THSD4: variants seen among roughly 807,000 people sequenced by gnomAD.
The protein encoded by THSD4 is thrombospondin type 1 domain containing 4, also known as thrombospondin type-1 domain-containing protein 4.
THSD4 carries 69 observed loss-of-function variants against 119.0 expected under a neutral mutation model. The observed-to-expected ratio is 0.58, with a 90% confidence interval of 0.48 to 0.71. The LOEUF is 0.71. THSD4 is among the 30% of genes least tolerant of loss of function. The pLI, the probability that THSD4 is intolerant of heterozygous loss-of-function variation, is 0.00. For synonymous variants in THSD4, 524 were observed against 540.4 expected (o/e 0.97, Z 0.42); for missense variants, 1,393 against 1,391.1 (o/e 1.00, Z -0.02).
At chr15:71,359,550 G>A (rs1866923) in intron 6 of THSD4, among the ~76,000 whole-genome samples, 28,675 of 152,152 alleles carry the variant, frequency 0.19, 3,507 homozygotes, top group East Asian at 0.54. Context: ...GCTCACGCCC[G>A]TAATCCCAGC....
intron 2 of THSD4, 101 bp from the exon 3 acceptor site, chr15:71,154,762 T>C (rs2040759266): frequency 4.9e-6 from 6 of 1,223,862 alleles, no homozygotes; most frequent in Admixed American, 1.7e-5. Context: ...GGTTGGGCTG[T>C]TCCCCCCCCA....
chr15:71,461,402 T>C (rs189527653), intron 7 of THSD4, among the ~76,000 whole-genome samples: 1 of 152,332 alleles, frequency 6.6e-6, no homozygotes, highest in East Asian at 1.9e-4. Context: ...TCTTATTGGT[T>C]ACAAGGTCAG....
intron 7 of THSD4, among the ~76,000 whole-genome samples, chr15:71,492,564 T>C (rs1464049863): frequency 6.6e-6 from 1 of 152,098 alleles, no homozygotes; most frequent in Non-Finnish European, 1.5e-5. Flanking sequence ...TGGGATTACT[T>C]AGGTTTTGTT....
rs1208659007 is a variant in THSD4 at position 71,330,951 on chromosome 15, C to G, written c.1015+74236C>G. Reference sequence around the variant, plus strand: ...TAACCCGTTTACCGGGTGCCACTGGCGATCTGGCCTTGTCGAGGAAGGAGG... The same window carrying G: ...TAACCCGTTTACCGGGTGCCACTGGGGATCTGGCCTTGTCGAGGAAGGAGG... On this transcript the variant is annotated intron_variant, in intron 6 of 17. Transcript: ENST00000261862. 2.0e-5 allele frequency among the ~76,000 whole-genome samples: 3 copies of G among 152,202 alleles called. No homozygotes were observed. In the East Asian group the frequency reaches 5.8e-4, roughly 29 times the overall value.
At chr15:71,470,222 G>A (rs1239273391) in intron 7 of THSD4, among the ~76,000 whole-genome samples, 2 of 152,094 alleles carry the variant, frequency 1.3e-5, no homozygotes, top group African/African-American at 4.8e-5. Context: ...TAAGGAGTCA[G>A]AGCTTTGCTT....
In THSD4 at chr15:71,317,090, G is replaced by T. The variant is rs530395801; in HGVS notation, c.1015+60375G>T. Among the ~76,000 whole-genome samples, 4 of 152,284 alleles carry T rather than the reference G, an allele frequency of 2.6e-5. No individual in the cohort carries two copies. In the East Asian group the frequency reaches 7.7e-4, roughly 29 times the overall value. ...TAATAGTCTGAATAAACTGCTAAGGGAGAATTTTCAGAGCTGGATATTGGT... is the reference window on the plus strand; with the variant it reads ...TAATAGTCTGAATAAACTGCTAAGGTAGAATTTTCAGAGCTGGATATTGGT... On this transcript the variant is annotated intron_variant, in intron 6 of 17. Transcript: ENST00000261862.
chr15:71,280,786 G>A (rs989991500), intron 6 of THSD4, among the ~76,000 whole-genome samples: 1 of 152,138 alleles, frequency 6.6e-6, no homozygotes, highest in Admixed American at 6.5e-5. Context: ...CGAGTTCCAG[G>A]ACAGTCCTTC....
chr15:71,454,044 G>A (rs1018294071), intron 7 of THSD4, among the ~76,000 whole-genome samples: 1 of 152,156 alleles, frequency 6.6e-6, no homozygotes, highest in African/African-American at 2.4e-5. Context: ...ATCACTTGAG[G>A]TCAGGAGTTT....
intron 7 of THSD4, among the ~76,000 whole-genome samples, chr15:71,654,084 G>A (rs900211639): frequency 1.3e-5 from 2 of 152,170 alleles, no homozygotes; most frequent in African/African-American, 4.8e-5. Flanking sequence ...TTAATCTGCT[G>A]TTGCAGCACA....
intron 1 of THSD4, among the ~76,000 whole-genome samples, chr15:71,098,189 C>CTTT (rs55726832): frequency 9.4e-4 from 78 of 83,206 alleles, no homozygotes; most frequent in African/African-American, 1.8e-3. Context: ...AATTCTTTCA[C>CTTT]TTTTTTTTTT....
At chr15:71,756,193 G>A (rs2053535708) in intron 14 of THSD4, among the ~76,000 whole-genome samples, 1 of 152,170 alleles carries the variant, frequency 6.6e-6, no homozygotes, top group Non-Finnish European at 1.5e-5. Context: ...AGCTGGTGAG[G>A]TTGAGCAAGA....
chr15:71,346,378 G>A lies in THSD4; in HGVS notation c.1016-65309G>A, dbSNP rs1042207918. 8.5e-5 allele frequency among the ~76,000 whole-genome samples: 13 copies of A among 152,176 alleles called. 1 individual carries two copies. Among genetic ancestry groups the A allele is most frequent in the African/African-American group, 3.1e-4 (13 of 41,440 alleles). On this transcript the variant is annotated intron_variant, in intron 6 of 17. Transcript: ENST00000261862. ...TGCTCCTTTATTCAGCCATTTATTGGTGTCAGCATGGACACATGGATTTCC... is the reference window on the plus strand; with the variant it reads ...TGCTCCTTTATTCAGCCATTTATTGATGTCAGCATGGACACATGGATTTCC...
intron 7 of THSD4, among the ~76,000 whole-genome samples, chr15:71,500,996 T>G (rs567759640): frequency 9.6e-4 from 146 of 152,340 alleles, no homozygotes; most frequent in Non-Finnish European, 2.5e-4. Context: ...AGAATTGTTT[T>G]TGCTATTTCT....
chr15:71,703,983 G>C (rs1194239276), intron 8 of THSD4, among the ~76,000 whole-genome samples: 2 of 152,004 alleles, frequency 1.3e-5, no homozygotes, highest in Non-Finnish European at 2.9e-5. Context: ...CCGAGTAGCT[G>C]GGATTACAGG....
At chr15:71,613,145 C>T (rs2050260748) in intron 7 of THSD4, among the ~76,000 whole-genome samples, 1 of 152,100 alleles carries the variant, frequency 6.6e-6, no homozygotes, top group African/African-American at 2.4e-5. Flanking sequence ...AAAGCAGCCT[C>T]TCCCAAAGCA....
intron 7 of THSD4, among the ~76,000 whole-genome samples, chr15:71,439,573 T>C (rs1032941003): frequency 3.9e-5 from 6 of 152,224 alleles, no homozygotes; most frequent in Non-Finnish European, 7.3e-5. Flanking sequence ...TCTATGTTTA[T>C]TGCAGCACTA....
intron 7 of THSD4, among the ~76,000 whole-genome samples, chr15:71,427,164 T>C (rs2046880905): frequency 4.0e-5 from 6 of 151,564 alleles, no homozygotes; most frequent in Admixed American, 3.9e-4. Context: ...GATTTCTTTA[T>C]ATATATTAAA....
intron 7 of THSD4, among the ~76,000 whole-genome samples, chr15:71,584,745 T>C (rs11072305): frequency 0.33 from 50,144 of 152,086 alleles, 8,782 homozygotes; most frequent in South Asian, 0.39. Context: ...TACTGTTAAT[T>C]GTTTCTGTTT....
At position 71,710,548 on chromosome 15, in the gene THSD4, A is replaced by G. The variant is rs534648619; in HGVS notation, c.1358-18001A>G. Reference sequence around the variant, plus strand: ...TGCCTCAGAAACTAGACCCAGGTCAATTTTGGCTTATTATCTTGGTGCCAC... The same window carrying G: ...TGCCTCAGAAACTAGACCCAGGTCAGTTTTGGCTTATTATCTTGGTGCCAC... On this transcript the variant is annotated intron_variant, in intron 8 of 17. Transcript: ENST00000261862. 2.6e-5 allele frequency among the ~76,000 whole-genome samples: 4 copies of G among 152,344 alleles called. No homozygotes were observed. The East Asian group carries it at 7.7e-4, about 29-fold the overall frequency.
Sources: allele counts gnomAD v4.1 joint callset (sites outside exome capture counted in the v4.1 genomes callset), GRCh38; gene constraint gnomAD v4.1.1; transcripts MANE v1.5; gene names NCBI Gene and HGNC (gene_info 2026-07-23, HGNC 2026-07-21).